Variants in RHOH observed in about 807,000 individuals in gnomAD.
RHOH encodes the protein ras homolog family member H, also known as rho-related GTP-binding protein RhoH.
In RHOH, 6 loss-of-function variants were observed where a neutral mutation model predicts 13.8. The observed-to-expected ratio is 0.44, with a 90% CI of 0.24 to 0.86. The LOEUF (loss-of-function observed/expected upper bound fraction) is 0.86, where lower values mean the gene tolerates loss of function less well. Among genes scored for constraint, RHOH ranks in the 40% least tolerant of loss-of-function variants. The pLI is 0.24. For missense variants in RHOH, 147 were observed against 244.5 expected (o/e 0.60, Z 2.66); for synonymous variants, 117 against 103.0 (o/e 1.14, Z -0.82).
At chr4:40,237,725 A>C (rs1728755334) in intron 1 of RHOH, among the ~76,000 whole-genome samples, 1 of 152,202 alleles carries the variant, frequency 6.6e-6, no homozygotes, top group Non-Finnish European at 1.5e-5. Flanking sequence ...CTCCTTGAGG[A>C]GGATGACATT....
chr4:40,192,753 G>T (rs1355930127), upstream of RHOH, among the ~76,000 whole-genome samples: 1 of 152,178 alleles, frequency 6.6e-6, no homozygotes, highest in Non-Finnish European at 1.5e-5. Context: ...CCTGGAGGGG[G>T]CATGTTTAGG....
In RHOH at chr4:40,243,154, T is replaced by A; in HGVS notation, c.-209-24T>A. The A allele has an allele frequency of 2.3e-6, 1 of 431,234 alleles. No individual in the cohort carries two copies. Among genetic ancestry groups the A allele is most frequent in the Non-Finnish European group, 4.1e-6 (1 of 242,084 alleles). 26.7% of individuals were successfully genotyped at this position (431,234 alleles called of 1,614,324 possible). On this transcript the variant is annotated intron_variant, in intron 2 of 2. Transcript: ENST00000381799. The surrounding 1 kb of genome is among the most constrained non-coding windows in gnomAD (Gnocchi z 6.2). ...GCAAGAAAGAAAGAAAGACTTCATT[T>A]TCCCCCTTCTCTTTCTGTTCCAGTT... is the stretch of plus-strand genomic sequence containing the variant.
chr4:40,225,410 T>TA (rs994617508), intron 1 of RHOH, among the ~76,000 whole-genome samples: 2 of 148,338 alleles, frequency 1.3e-5, no homozygotes, highest in South Asian at 2.1e-4. Flanking sequence ...AAAGTTCAAT[T>TA]AAAAAAAAAA....
chr4:40,206,961 C>A (rs770629009), intron 1 of RHOH, among the ~76,000 whole-genome samples: 112 of 152,260 alleles, frequency 7.4e-4, no homozygotes, highest in Non-Finnish European at 8.4e-4. Context: ...GTAATCCCAG[C>A]ACTTTGGGAG....
chr4:40,211,200 T>G (rs1000074883), intron 1 of RHOH, among the ~76,000 whole-genome samples: 3 of 152,242 alleles, frequency 2.0e-5, no homozygotes, highest in African/African-American at 7.2e-5. Context: ...AGGTATGTTT[T>G]GTAAGTTGAA....
At chr4:40,201,945 G>GTT (rs1179441198) in intron 1 of RHOH, among the ~76,000 whole-genome samples, 168 of 108,980 alleles carry the variant, frequency 1.5e-3, no homozygotes, top group South Asian at 5.0e-3. Flanking sequence ...AACTCCATGA[G>GTT]TTTTTTTTTT....
At chr4:40,223,679 C>A (rs979264770) in intron 1 of RHOH, among the ~76,000 whole-genome samples, 1 of 150,508 alleles carries the variant, frequency 6.6e-6, no homozygotes, top group South Asian at 2.1e-4. Context: ...GTTGTCCAGG[C>A]TGTATTGTTA....
chr4:40,243,398 C>T lies in RHOH; in HGVS notation c.12C>T (p.Ser4=). Residue 4 remains serine, a synonymous_variant, in exon 3 of 3, where the codon TCC becomes TCT. Coordinates refer to ENST00000381799, the MANE Select transcript of RHOH (RefSeq NM_004310.5). The surrounding 1 kb of genome is among the most constrained non-coding windows in gnomAD (Gnocchi z 6.2). ...AGCAGGCTGGGAAGATGCTGAGTTC[C>T]ATCAAGTGCGTGTTGGTGGGCGACT... The part of the protein sequence containing the change: MLS[S]IKCVLVGDSA... 1 of 1,590,548 alleles carries T rather than the reference C, an allele frequency of 6.3e-7. No homozygotes were observed. The highest frequency in any genetic ancestry group is 8.6e-7 in the Non-Finnish European group (1 of 1,166,748).
intron 1 of RHOH, among the ~76,000 whole-genome samples, chr4:40,210,089 C>CGTGTGTGTGTGTGTGTGTGTGT (rs5857717): frequency 3.4e-5 from 5 of 145,458 alleles, no homozygotes; most frequent in Non-Finnish European, 6.1e-5. Flanking sequence ...ACATTGTGTG[C>CGTGTGTGTGTGTGTGTGTGTGT]GTGTGTGTGT....
rs1465236499 is a variant in RHOH, at chr4:40,218,157, C to T, written c.-331+20857C>T. 1 of 152,164 alleles carries T rather than the reference C, an allele frequency of 6.6e-6. No homozygotes were observed. The allele number at this position is 152,164 out of a possible 1,614,324, so 9.4% of individuals were successfully genotyped here. On this transcript the variant is annotated intron_variant, in intron 1 of 2. Transcript: ENST00000381799. The surrounding 1 kb of genome is among the most constrained non-coding windows in gnomAD (Gnocchi z 4.1). ...TTTTGTCCGGCAAAGCACGAGGATG[C>T]TTTGGAGAACGGAAGGATTTCATCG...
intron 1 of RHOH, among the ~76,000 whole-genome samples, chr4:40,238,715 C>T (rs1289511400): frequency 6.6e-6 from 1 of 152,206 alleles, no homozygotes; most frequent in African/African-American, 2.4e-5. Flanking sequence ...GATTCAAAGC[C>T]TGAGAAGAAC....
At chr4:40,225,391 GA>G (rs1380577630) in intron 1 of RHOH, among the ~76,000 whole-genome samples, 23 of 151,758 alleles carry the variant, frequency 1.5e-4, no homozygotes, top group Admixed American at 1.5e-3. Context: ...TGACCTGAAT[GA>G]TTTTTTTAAA....
upstream of RHOH, among the ~76,000 whole-genome samples, chr4:40,194,509 G>A (rs943696767): frequency 1.3e-5 from 2 of 152,138 alleles, no homozygotes; most frequent in Non-Finnish European, 2.9e-5. Context: ...GATTATAGGC[G>A]TGAGCCACAG....
chr4:40,240,144 T>C (rs1729071191), intron 1 of RHOH: 1 of 152,204 alleles, frequency 6.6e-6, no homozygotes, highest in Admixed American at 6.5e-5. Flanking sequence ...ACTCAGGAAA[T>C]TTGGCTTTAG....
chr4:40,234,611 G>A lies in RHOH; in HGVS notation c.-330-8103G>A, dbSNP rs567132981. Among the ~76,000 whole-genome samples the A allele has an allele frequency of 2.0e-5, 3 of 152,182 alleles. No homozygotes were observed. In the East Asian group the frequency reaches 5.8e-4, roughly 29 times the overall value. ...AGCTTAATATGTTGAAATAATAAAA[G>A]GCTTCAGGACTTGGCAATGTTTTGT... On this transcript the variant is annotated intron_variant, in intron 1 of 2. Transcript: ENST00000381799.
At chr4:40,227,248 T>TG (rs1727360190) in intron 1 of RHOH, among the ~76,000 whole-genome samples, 1 of 152,176 alleles carries the variant, frequency 6.6e-6, no homozygotes, top group African/African-American at 2.4e-5. Context: ...AATCTTTCTG[T>TG]GGGAAAAAGG....
intron 1 of RHOH, among the ~76,000 whole-genome samples, chr4:40,231,496 C>T (rs950546604): frequency 1.3e-5 from 2 of 152,136 alleles, no homozygotes; most frequent in Non-Finnish European, 2.9e-5. Flanking sequence ...CTCCTGAAAG[C>T]GCTCTGTCTC....
At chr4:40,202,926 A>G (rs921729237) in intron 1 of RHOH, among the ~76,000 whole-genome samples, 4 of 152,062 alleles carry the variant, frequency 2.6e-5, no homozygotes, top group African/African-American at 9.7e-5. Flanking sequence ...ATTTTTGTAG[A>G]GCAATGGTTC....
chr4:40,239,253 T>C (rs538560730), intron 1 of RHOH, among the ~76,000 whole-genome samples: 6 of 152,188 alleles, frequency 3.9e-5, no homozygotes, highest in Non-Finnish European at 5.9e-5. Context: ...AAAGCTGACT[T>C]GATGGGCCAC....
Sources: allele counts gnomAD v4.1 joint callset (sites outside exome capture counted in the v4.1 genomes callset), GRCh38; gene constraint gnomAD v4.1.1; non-coding constraint Gnocchi (gnomAD v3.1); transcripts MANE v1.5; gene names NCBI Gene and HGNC (gene_info 2026-07-23, HGNC 2026-07-21).